F13A1: variants seen among roughly 807,000 people sequenced by gnomAD.
F13A1 encodes FSF, A subunit.
F13A1 carries 47 observed loss-of-function variants against 80.1 expected under a neutral mutation model. The ratio of observed to expected loss-of-function variants is 0.59; its 90% CI spans 0.46 to 0.75. The LOEUF (loss-of-function observed/expected upper bound fraction) is 0.75. Ranked by LOEUF, F13A1 falls within the 30% of genes least tolerant of loss-of-function variation. The probability of loss-of-function intolerance (pLI) is 0.00; values close to 1 mark genes in which losing one functional copy is unlikely to be tolerated. For missense variants in F13A1, 817 were observed against 930.4 expected (o/e 0.88, Z 1.59); for synonymous variants, 349 against 344.9 (o/e 1.01, Z -0.13).
chr6:6,248,351 T>G lies in F13A1; in HGVS notation c.759A>C (p.Arg253Ser). 6.2e-7 allele frequency: 1 copy of G among 1,613,934 alleles called. No homozygotes were observed. The highest frequency in any genetic ancestry group is 1.1e-5 in the South Asian group (1 of 91,072). ...MDRAQMDLSG[R>S]GNPIKVSRVG... ...CACGGCTGACTTTGATGGGATTCCC[T>G]CTTCCAGAGAGGTCCATTTGTGCTC... The change falls in exon 6 of 15, where the codon AGA becomes AGC. Residue 253 changes from arginine to serine, a missense_variant. By Grantham distance (110) the Arg-to-Ser change is moderately radical. Coordinates refer to ENST00000264870, the MANE Select transcript of F13A1 (RefSeq NM_000129.4).
At chr6:6,295,348 T>G (rs1384488373) in intron 3 of F13A1, among the ~76,000 whole-genome samples, 8 of 146,866 alleles carry the variant, frequency 5.4e-5, no homozygotes, top group Admixed American at 2.0e-4. Flanking sequence ...TGAACTAGTT[T>G]ACAGTCCCAC....
chr6:6,164,154 ACAT>A (rs1375258243), intron 13 of F13A1, among the ~76,000 whole-genome samples: 1 of 152,198 alleles, frequency 6.6e-6, no homozygotes, highest in Non-Finnish European at 1.5e-5. Flanking sequence ...TGGGCAAGGG[ACAT>A]GAACATAGAT....
At chr6:6,149,001 A>C (rs1299914006) in intron 14 of F13A1, among the ~76,000 whole-genome samples, 4 of 151,940 alleles carry the variant, frequency 2.6e-5, no homozygotes, top group African/African-American at 9.7e-5. Flanking sequence ...CTAAAAAAAA[A>C]AAAATTATTA....
intron 4 of F13A1, among the ~76,000 whole-genome samples, chr6:6,253,641 G>T (rs769742016): frequency 1.7e-4 from 26 of 152,300 alleles, no homozygotes; most frequent in Non-Finnish European, 2.9e-4. Flanking sequence ...CCCTGAGTAA[G>T]TGCTTATTGT....
intron 4 of F13A1, among the ~76,000 whole-genome samples, chr6:6,259,463 T>C (rs1460535816): frequency 6.6e-6 from 1 of 151,228 alleles, no homozygotes; most frequent in East Asian, 1.9e-4. Context: ...ATTAAATTGA[T>C]TTATTTGTTT....
chr6:6,173,162 T>C (rs1268469070), intron 12 of F13A1, among the ~76,000 whole-genome samples: 1 of 152,226 alleles, frequency 6.6e-6, no homozygotes, highest in Non-Finnish European at 1.5e-5. Context: ...TGTGGTCAAC[T>C]GTTGTGCCCA....
At chr6:6,220,800 C>A (rs1197609966) in intron 8 of F13A1, among the ~76,000 whole-genome samples, 2 of 152,128 alleles carry the variant, frequency 1.3e-5, no homozygotes, top group Non-Finnish European at 2.9e-5. Context: ...CACGTGCCCT[C>A]CAGCTTACTA....
intron 4 of F13A1, among the ~76,000 whole-genome samples, chr6:6,256,414 T>G (rs1316141858): frequency 1.3e-5 from 2 of 152,134 alleles, no homozygotes; most frequent in African/African-American, 4.8e-5. Context: ...AAAAACAGAT[T>G]ACACATGGCA....
chr6:6,197,448 G>A, intron 8 of F13A1, 122 bp from the exon 9 acceptor site: 1 of 868,010 alleles, frequency 1.2e-6, no homozygotes, highest in Non-Finnish European at 1.9e-6. Context: ...GGGAGGCCAA[G>A]GCAGGTGAGT....
At position 6,305,438 on chromosome 6, in the gene F13A1, G is replaced by A. The variant is rs760818476; in HGVS notation, c.232C>T (p.Arg78Cys). ...DKYENNKLIV[R>C]RGQSFYVQID... ...TGCACATAGAAAGACTGCCCTCTGC[G>A]GACAATCAGCTTGTTGTTTTCATAC... Residue 78 changes from arginine to cysteine, a missense_variant, in exon 3 of 15, where the codon CGC becomes TGC. Coordinates refer to ENST00000264870, the MANE Select transcript of F13A1 (RefSeq NM_000129.4). 6.3e-5 allele frequency: 101 copies of A among 1,614,054 alleles called. No homozygotes were observed. The highest frequency in any genetic ancestry group is 8.2e-5 in the Non-Finnish European group (97 of 1,180,034).
chr6:6,269,227 T>G (rs1459773587), intron 3 of F13A1, among the ~76,000 whole-genome samples: 1 of 152,080 alleles, frequency 6.6e-6, no homozygotes, highest in Admixed American at 6.6e-5. Flanking sequence ...AAACTTTGCT[T>G]CTTCTACAAA....
At chr6:6,196,995 G>A (rs990993725) in intron 9 of F13A1, among the ~76,000 whole-genome samples, 5 of 152,124 alleles carry the variant, frequency 3.3e-5, no homozygotes, top group South Asian at 2.1e-4. Context: ...TGAATTATAC[G>A]TTGTTTTATA....
At chr6:6,293,723 A>G (rs1477108730) in intron 3 of F13A1, among the ~76,000 whole-genome samples, 1 of 146,306 alleles carries the variant, frequency 6.8e-6, no homozygotes, top group Non-Finnish European at 1.5e-5. Flanking sequence ...AGGAAGAAGG[A>G]AAGAAGGGAG....
intron 14 of F13A1, among the ~76,000 whole-genome samples, chr6:6,150,678 C>T (rs1760358540): frequency 6.6e-6 from 1 of 152,200 alleles, no homozygotes; most frequent in African/African-American, 2.4e-5. Context: ...TTCCAAAGTC[C>T]TCTACCTCCC....
chr6:6,251,713 C>A (rs924668439), intron 4 of F13A1, among the ~76,000 whole-genome samples: 2 of 152,138 alleles, frequency 1.3e-5, no homozygotes, highest in Non-Finnish European at 2.9e-5. Flanking sequence ...CGAATTCTAC[C>A]TCAAGGTAAC....
At chr6:6,209,340 CAGAAAA>C (rs1761555614) in intron 8 of F13A1, among the ~76,000 whole-genome samples, 1 of 128,540 alleles carries the variant, frequency 7.8e-6, no homozygotes, top group South Asian at 2.5e-4. Context: ...AAAAAAAAAA[CAGAAAA>C]TAAAAGTTAT....
chr6:6,314,526 A>T lies in F13A1; in HGVS notation c.130+4009T>A, dbSNP rs551313361. Among the ~76,000 whole-genome samples the T allele has an allele frequency of 5.3e-5, 8 of 151,934 alleles. No individual in the cohort carries two copies. In the East Asian group the frequency reaches 1.5e-3, roughly 29 times the overall value. ...TTGCCTGTCAGGAACACTCATACTC[A>T]TCCTCTAAGTCTCGGCTCCAATATC... is the stretch of plus-strand genomic sequence containing the variant. On this transcript the variant is annotated intron_variant, in intron 2 of 14. Transcript: ENST00000264870.
At chr6:6,205,093 C>T (rs1761462321) in intron 8 of F13A1, among the ~76,000 whole-genome samples, 1 of 152,340 alleles carries the variant, frequency 6.6e-6, no homozygotes, top group East Asian at 1.9e-4. Context: ...GTAAAGGATG[C>T]TGTTGTAGGA....
chr6:6,177,510 G>A (rs1433607676), intron 11 of F13A1, among the ~76,000 whole-genome samples: 1 of 152,234 alleles, frequency 6.6e-6, no homozygotes, highest in Non-Finnish European at 1.5e-5. Flanking sequence ...CAGAGGATCT[G>A]AAGGATTGAG....
Sources: allele counts gnomAD v4.1 joint callset (sites outside exome capture counted in the v4.1 genomes callset), GRCh38; gene constraint gnomAD v4.1.1; transcripts MANE v1.5; gene names NCBI Gene and HGNC (gene_info 2026-07-23, HGNC 2026-07-21).